The following TP63 variants were observed in gnomAD, a reference collection of about 807,000 sequenced individuals.
The protein encoded by TP63 is tumor protein 63.
A neutral mutation model predicts 82.8 loss-of-function variants in TP63; 17 were observed. The observed-to-expected ratio is 0.21, with a 90% confidence interval of 0.14 to 0.31. The LOEUF is 0.31. Ranked by LOEUF, TP63 falls within the 10% of genes least tolerant of loss-of-function variation. The pLI is 1.00. For synonymous variants in TP63, 330 were observed against 321.7 expected (o/e 1.03, Z -0.28); for missense variants, 648 against 895.3 (o/e 0.72, Z 3.52).
chr3:189,630,677 A>G (rs527723848), upstream of TP63, among the ~76,000 whole-genome samples: 45 of 152,082 alleles, frequency 3.0e-4, no homozygotes, highest in African/African-American at 1.0e-3. Flanking sequence ...GAAAATTACT[A>G]TATTATATGT....
At chr3:189,800,812 G>A (rs957103376) in intron 3 of TP63, among the ~76,000 whole-genome samples, 6 of 152,118 alleles carry the variant, frequency 3.9e-5, no homozygotes, top group African/African-American at 1.2e-4. Context: ...TTAGAACTCC[G>A]TAAGAGAATT....
intron 3 of TP63, among the ~76,000 whole-genome samples, chr3:189,802,467 T>G (rs1171005097): frequency 6.6e-6 from 1 of 152,208 alleles, no homozygotes; most frequent in Non-Finnish European, 1.5e-5. Flanking sequence ...TTAACGTAGC[T>G]TCACAGATGA....
At chr3:189,647,490 C>T (rs531110333) in intron 1 of TP63, among the ~76,000 whole-genome samples, 1 of 146,978 alleles carries the variant, frequency 6.8e-6, no homozygotes, top group East Asian at 2.4e-4. Flanking sequence ...TCCTCTGGTG[C>T]CTTCTTCAGT....
chr3:189,841,286 G>T (rs939978321), intron 4 of TP63, among the ~76,000 whole-genome samples: 4 of 152,156 alleles, frequency 2.6e-5, no homozygotes, highest in African/African-American at 7.2e-5. Context: ...TGACAGAAAG[G>T]GAATACAGGT....
chr3:189,825,158 C>T (rs1471319042), intron 4 of TP63, among the ~76,000 whole-genome samples: 1 of 152,158 alleles, frequency 6.6e-6, no homozygotes, highest in African/African-American at 2.4e-5. Flanking sequence ...GCATGAGATA[C>T]AGCCAAGACC....
chr3:189,867,068 G>A (rs1404486703), intron 6 of TP63, among the ~76,000 whole-genome samples: 2 of 152,172 alleles, frequency 1.3e-5, no homozygotes, highest in African/African-American at 4.8e-5. Context: ...TGGCAATTGG[G>A]TGTATACATG....
intron 10 of TP63, among the ~76,000 whole-genome samples, chr3:189,883,624 G>A (rs1467952408): frequency 6.6e-6 from 1 of 152,172 alleles, no homozygotes; most frequent in African/African-American, 2.4e-5. Flanking sequence ...GTCCAGGGCT[G>A]TTACATGATC....
intron 4 of TP63, among the ~76,000 whole-genome samples, chr3:189,831,818 C>CTTTTTTTTTTT (rs1156431272): frequency 1.4e-5 from 1 of 73,170 alleles, no homozygotes; most frequent in Non-Finnish European, 2.5e-5. Context: ...CTATTATGCT[C>CTTTTTTTTTTT]TTTTTTTTTT....
the TP63 span, among the ~76,000 whole-genome samples, chr3:189,615,453 C>A: frequency 6.6e-6 from 1 of 152,196 alleles, no homozygotes; most frequent in African/African-American, 2.4e-5. Context: ...TTTCAGGTTT[C>A]TTTAATGGCA....
intron 1 of TP63, among the ~76,000 whole-genome samples, chr3:189,721,349 C>T (rs1240559280): frequency 1.3e-5 from 2 of 152,052 alleles, no homozygotes; most frequent in East Asian, 3.9e-4. Context: ...CTAGTATTTT[C>T]TAGTAATACA....
At chr3:189,837,871 C>T (rs1355947925) in intron 4 of TP63, among the ~76,000 whole-genome samples, 2 of 152,136 alleles carry the variant, frequency 1.3e-5, no homozygotes, top group African/African-American at 2.4e-5. Flanking sequence ...GCAATCCTCC[C>T]GTCTTGGCCT....
the TP63 span, among the ~76,000 whole-genome samples, chr3:189,598,861 A>G: frequency 5.3e-5 from 8 of 152,240 alleles, no homozygotes; most frequent in African/African-American, 1.9e-4. Flanking sequence ...TCTTGGATCT[A>G]TGGGCAGAAT....
chr3:189,726,187 C>T (rs953991487), intron 1 of TP63, among the ~76,000 whole-genome samples: 8 of 152,056 alleles, frequency 5.3e-5, no homozygotes, highest in Non-Finnish European at 7.4e-5. Context: ...GAACGTCACT[C>T]GGTCTTACTC....
intron 4 of TP63, among the ~76,000 whole-genome samples, chr3:189,849,997 G>A (rs1315194727): frequency 1.3e-5 from 2 of 152,282 alleles, no homozygotes; most frequent in South Asian, 2.1e-4. Flanking sequence ...AATATTTCAA[G>A]GTCAGGTGTG....
intron 4 of TP63, among the ~76,000 whole-genome samples, chr3:189,854,966 G>A (rs1045146637): frequency 4.6e-5 from 7 of 152,126 alleles, no homozygotes; most frequent in Admixed American, 2.6e-4. Flanking sequence ...AAATAAGGAA[G>A]GACATTTGAA....
Position 189,872,907 on chromosome 3 carries a change from C to T in TP63, c.1261C>T (p.Leu421=), listed in dbSNP as rs2108818571. 6.2e-7 allele frequency: 1 copy of T among 1,614,124 alleles called. No homozygotes were observed. Among genetic ancestry groups the T allele is most frequent in the East Asian group, 2.2e-5 (1 of 44,874 alleles). ...YEMLLKIKES[L]ELMQYLPQHT... is the part of the protein sequence containing the mutation. ...AATGCTGTTGAAGATCAAAGAGTCC[C>T]TGGAACTCATGCAGTACCTTCCTCA... Residue 421 remains leucine (L), a synonymous_variant, in exon 10 of 14, where the codon CTG becomes TTG. Transcript: ENST00000264731.
intron 1 of TP63, among the ~76,000 whole-genome samples, chr3:189,736,784 T>TA (rs1720625888): frequency 6.6e-6 from 1 of 151,646 alleles, no homozygotes; most frequent in East Asian, 1.9e-4. Context: ...TTTGAAATTT[T>TA]AAGAAGATGA....
chr3:189,856,740 AAAAG>A lies in TP63; in HGVS notation c.580-7488_580-7485del, dbSNP rs1328299607. Among the ~76,000 whole-genome samples the A allele has an allele frequency of 1.3e-5, 2 of 152,096 alleles. 1 individual carries two copies. The highest frequency in any genetic ancestry group is 4.8e-5 in the African/African-American group (2 of 41,466). ...CATAGTATAAAACGCATTAGAAACAAAAAGAAATTTTCATTTTTAAAAGTACTGT... is the reference window on the plus strand; with the variant it reads ...CATAGTATAAAACGCATTAGAAACAAAAATTTTCATTTTTAAAAGTACTGT... On this transcript the variant is annotated intron_variant, in intron 4 of 13. Coordinates refer to ENST00000264731, the MANE Select transcript of TP63 (RefSeq NM_003722.5).
intron 4 of TP63, among the ~76,000 whole-genome samples, chr3:189,829,748 G>A (rs752385612): frequency 6.6e-6 from 1 of 152,144 alleles, no homozygotes; most frequent in Non-Finnish European, 1.5e-5. Context: ...AAAAATAATT[G>A]CAGGTTTTGC....
Sources: gnomAD v4.1 joint callset for allele counts (sites outside exome capture counted in the v4.1 genomes callset) on GRCh38, gnomAD v4.1.1 for gene constraint, MANE v1.5 for transcripts, NCBI Gene and HGNC (gene_info 2026-07-23, HGNC 2026-07-21) for gene names.